Variants in SLCO4C1 observed in about 807,000 individuals in gnomAD.
SLCO4C1 encodes the protein organic anion transporter M1.
SLCO4C1 carries 58 observed loss-of-function variants against 72.1 expected under a neutral mutation model. The observed-to-expected ratio is 0.80, with a 90% CI of 0.65 to 1.00. SLCO4C1 has a LOEUF of 1.00. Among genes scored for constraint, SLCO4C1 ranks in the 50% least tolerant of loss-of-function variants. SLCO4C1 has a pLI of 0.00. For missense variants in SLCO4C1, 898 were observed against 857.9 expected, an observed-to-expected ratio of 1.05 and a Z score of -0.58; for synonymous variants, 297 against 312.5, an observed-to-expected ratio of 0.95 and a Z score of 0.52.
chr5:102,293,422 A>G (rs1331134904), intron 1 of SLCO4C1, among the ~76,000 whole-genome samples: 1 of 152,202 alleles, frequency 6.6e-6, no homozygotes, highest in African/African-American at 2.4e-5. Flanking sequence ...TACAAGTTCC[A>G]AGAACACTAC....
Position 102,259,389 on chromosome 5 carries a change from T to C in SLCO4C1, c.1128+824A>G, listed in dbSNP as rs575098023. On this transcript the variant is annotated intron_variant, in intron 6 of 12. Coordinates refer to ENST00000310954, the MANE Select transcript of SLCO4C1 (RefSeq NM_180991.5). ...GAATAATGAAATAGAACAGAACTAC[T>C]GTAAGAGAAAATAACAGTAGTTGCA... Among the ~76,000 whole-genome samples the C allele has an allele frequency of 2.4e-4, 37 of 152,158 alleles. 2 individuals carry two copies. Among genetic ancestry groups the C allele is most frequent in the African/African-American group, 8.7e-4 (36 of 41,540 alleles).
chr5:102,293,803 C>T (rs1268174441), intron 1 of SLCO4C1, among the ~76,000 whole-genome samples: 1 of 152,126 alleles, frequency 6.6e-6, no homozygotes, highest in Non-Finnish European at 1.5e-5. Flanking sequence ...GGCGCCATCT[C>T]GGCTCACTGC....
chr5:102,282,581 A>G (rs183771040), intron 2 of SLCO4C1, among the ~76,000 whole-genome samples: 1 of 152,158 alleles, frequency 6.6e-6, no homozygotes. Flanking sequence ...AAGATTCTGC[A>G]ACTCCATCTT....
At chr5:102,255,953 C>A (rs1423627549) in intron 8 of SLCO4C1, among the ~76,000 whole-genome samples, 1 of 140,224 alleles carries the variant, frequency 7.1e-6, no homozygotes, top group East Asian at 2.4e-4. Flanking sequence ...CACCTGTAAT[C>A]CCAGCACTTT....
At chr5:102,277,320 C>T (rs1328617092) in intron 2 of SLCO4C1, among the ~76,000 whole-genome samples, 2 of 151,888 alleles carry the variant, frequency 1.3e-5, no homozygotes, top group East Asian at 1.9e-4. Context: ...AGAAGGGATC[C>T]GGGACTTCTA....
chr5:102,258,190 CTG>C, intron 6 of SLCO4C1, 103 bp from the exon 7 acceptor site: 1 of 949,512 alleles, frequency 1.1e-6, no homozygotes, highest in Non-Finnish European at 1.5e-6. Context: ...TTACAATCAT[CTG>C]TAAAATTTCA....
Position 102,249,653 on chromosome 5 carries a change from T to A in SLCO4C1, c.1605A>T (p.Ala535=), listed in dbSNP as rs1561367677. ...CATAAGCTACCTTTGGCTTCCTGTGTGCAACTGGGTTTGAACAGCCTGCAA... is the reference window on the plus strand; with the variant it reads ...CATAAGCTACCTTTGGCTTCCTGTGAGCAACTGGGTTTGAACAGCCTGCAA... ...PCFAGCSNPV[A]HRKPKVYYNC... is the part of the protein sequence containing the mutation. The change falls in exon 9 of 13, where the codon GCA becomes GCT. Residue 535 remains alanine, a synonymous_variant. Transcript: ENST00000310954. 6.2e-7 allele frequency: 1 copy of A among 1,613,786 alleles called. No homozygotes were observed. Among genetic ancestry groups the A allele is most frequent in the Non-Finnish European group, 8.5e-7 (1 of 1,179,878 alleles).
chr5:102,243,448 C>T (rs1748583158), intron 10 of SLCO4C1, among the ~76,000 whole-genome samples: 1 of 152,212 alleles, frequency 6.6e-6, no homozygotes, highest in Non-Finnish European at 1.5e-5. Context: ...GTGGTGGTGG[C>T]CACAGAGGTG....
At chr5:102,294,669 A>G (rs1749615331) in intron 1 of SLCO4C1, among the ~76,000 whole-genome samples, 1 of 152,186 alleles carries the variant, frequency 6.6e-6, no homozygotes, top group African/African-American at 2.4e-5. Flanking sequence ...GAACTTTGGT[A>G]GGGACAAGAA....
At position 102,249,738 on chromosome 5, in the gene SLCO4C1, C is replaced by T. The variant is rs758413996; in HGVS notation, c.1520G>A (p.Cys507Tyr). 6.2e-7 allele frequency: 1 copy of T among 1,613,918 alleles called. No individual in the cohort carries two copies. Among genetic ancestry groups the T allele is most frequent in the Non-Finnish European group, 8.5e-7 (1 of 1,179,922 alleles). The change falls in exon 9 of 13, where the codon TGT becomes TAT. Residue 507 changes from cysteine (C) to tyrosine (Y), a missense_variant. Transcript: ENST00000310954. ...GACAGGATAATAATATGATCGCGAA[C>T]AGTTACAATTGGCATTACAAGGGGC... ...LIAPCNANCN[C>Y]SRSYYYPVCG...
At chr5:102,237,820 C>T (rs1360885554) in intron 12 of SLCO4C1, among the ~76,000 whole-genome samples, 1 of 152,108 alleles carries the variant, frequency 6.6e-6, no homozygotes. Flanking sequence ...ACACTCAATA[C>T]TTAACCAAAT....
At chr5:102,261,104 C>A (rs894524017) in intron 5 of SLCO4C1, among the ~76,000 whole-genome samples, 1 of 152,156 alleles carries the variant, frequency 6.6e-6, no homozygotes, top group South Asian at 2.1e-4. Context: ...TTAACCTTTT[C>A]TTTTTATATA....
chr5:102,295,628 G>A (rs1466013634), intron 1 of SLCO4C1, among the ~76,000 whole-genome samples: 4 of 152,232 alleles, frequency 2.6e-5, no homozygotes, highest in Non-Finnish European at 5.9e-5. Context: ...TTCCCTGTAA[G>A]TCTTGAATCC....
intron 2 of SLCO4C1, among the ~76,000 whole-genome samples, chr5:102,274,530 C>A (rs17148639): frequency 0.021 from 3,244 of 152,260 alleles, 118 homozygotes; most frequent in African/African-American, 0.075. Context: ...GCTAAAGGTA[C>A]CTCTTTTCCC....
At chr5:102,285,805 A>G (rs1163312810) in intron 2 of SLCO4C1, among the ~76,000 whole-genome samples, 1 of 152,132 alleles carries the variant, frequency 6.6e-6, no homozygotes, top group East Asian at 1.9e-4. Context: ...TATTCATTTC[A>G]GTTACAAAGA....
At chr5:102,239,557 A>G (rs1034287042) in intron 11 of SLCO4C1, among the ~76,000 whole-genome samples, 169 bp from the exon 12 acceptor site, 1 of 152,056 alleles carries the variant, frequency 6.6e-6, no homozygotes, top group Non-Finnish European at 1.5e-5. Flanking sequence ...CAGATACAAT[A>G]TTCTAAAATA....
At chr5:102,271,636 C>T (rs1365674556) in intron 2 of SLCO4C1, among the ~76,000 whole-genome samples, 1 of 151,640 alleles carries the variant, frequency 6.6e-6, no homozygotes, top group Non-Finnish European at 1.5e-5. Flanking sequence ...TTTTAAATTT[C>T]ATTTTTAAAA....
intron 8 of SLCO4C1, among the ~76,000 whole-genome samples, chr5:102,252,672 G>A (rs61020641): frequency 0.025 from 3,842 of 152,128 alleles, 164 homozygotes; most frequent in African/African-American, 0.088. Flanking sequence ...CAAAGTATAA[G>A]ACAGCATGAT....
chr5:102,234,079 C>T lies in SLCO4C1; in HGVS notation c.*2779G>A, dbSNP rs966165682. The T allele has an allele frequency of 1.3e-5, 2 of 152,160 alleles. No individual in the cohort carries two copies. The highest frequency in any genetic ancestry group is 2.9e-5 in the Non-Finnish European group (2 of 67,978). The allele number at this position is 152,160 out of a possible 1,614,324, so 9.4% of individuals were successfully genotyped here. ...ATTTTGAAAGAAAATGGATCTAAAA[C>T]TTTGTTTCCCTCCAATTTACATAGT... On this transcript the variant is annotated 3_prime_UTR_variant, in exon 13 of 13. Coordinates refer to ENST00000310954, the MANE Select transcript of SLCO4C1 (RefSeq NM_180991.5).
Sources: gnomAD v4.1 joint callset for allele counts (sites outside exome capture counted in the v4.1 genomes callset) on GRCh38, gnomAD v4.1.1 for gene constraint, MANE v1.5 for transcripts, NCBI Gene and HGNC (gene_info 2026-07-23, HGNC 2026-07-21) for gene names.